The following CPNE8 variants were observed in gnomAD, a reference collection of about 807,000 sequenced individuals.
CPNE8 encodes the protein copine-8.
Under a neutral mutation model 81.5 loss-of-function variants are expected in CPNE8, and 45 were observed. The observed-to-expected ratio is 0.55, with a 90% confidence interval of 0.44 to 0.71. The LOEUF is 0.71. Among genes scored for constraint, CPNE8 ranks in the 30% least tolerant of loss-of-function variants. The pLI, the probability that CPNE8 is intolerant of heterozygous loss-of-function variation, is 0.00. For missense variants in CPNE8, 594 were observed against 672.1 expected (o/e 0.88, Z 1.28); for synonymous variants, 252 against 226.3 (o/e 1.11, Z -1.02).
intron 13 of CPNE8, among the ~76,000 whole-genome samples, chr12:38,713,370 T>C (rs951052356): frequency 6.6e-6 from 1 of 152,164 alleles, no homozygotes; most frequent in Admixed American, 6.5e-5. Context: ...TTCCTCCAAG[T>C]AACTACAACG....
chr12:38,732,158 C>T (rs2136768392), intron 10 of CPNE8, among the ~76,000 whole-genome samples: 1 of 152,002 alleles, frequency 6.6e-6, no homozygotes, highest in Middle Eastern at 3.4e-3. Flanking sequence ...CATTTTCTGA[C>T]TGTGCTAAAC....
intron 13 of CPNE8, among the ~76,000 whole-genome samples, chr12:38,716,090 C>A (rs1940382727): frequency 6.6e-6 from 1 of 151,838 alleles, no homozygotes; most frequent in African/African-American, 2.4e-5. Flanking sequence ...TATGCTTCAG[C>A]AAGGAAGAAA....
chr12:38,889,631 T>C (rs1944282741), intron 1 of CPNE8, among the ~76,000 whole-genome samples: 1 of 152,172 alleles, frequency 6.6e-6, no homozygotes, highest in South Asian at 2.1e-4. Context: ...ATGATGTCAT[T>C]TGCCCTTTTT....
At chr12:38,886,563 C>T (rs540510729) in intron 1 of CPNE8, among the ~76,000 whole-genome samples, 15 of 152,178 alleles carry the variant, frequency 9.9e-5, no homozygotes, top group African/African-American at 3.1e-4. Context: ...GTATTATGTG[C>T]CAGGCACTAC....
At chr12:38,814,254 T>A (rs2136993187) in intron 6 of CPNE8, among the ~76,000 whole-genome samples, 1 of 146,646 alleles carries the variant, frequency 6.8e-6, no homozygotes, top group East Asian at 2.1e-4. Context: ...AGAAAATATA[T>A]CTCAACTGTA....
At chr12:38,692,134 A>C (rs1939690363) in intron 15 of CPNE8, among the ~76,000 whole-genome samples, 1 of 152,054 alleles carries the variant, frequency 6.6e-6, no homozygotes, top group Non-Finnish European at 1.5e-5. Context: ...TCTACTAAAA[A>C]TACAAAAATT....
chr12:38,791,879 A>C (rs984737781), intron 6 of CPNE8, among the ~76,000 whole-genome samples: 4 of 151,630 alleles, frequency 2.6e-5, no homozygotes, highest in African/African-American at 9.7e-5. Flanking sequence ...AAATCATGCA[A>C]AGCATATTTT....
chr12:38,844,767 A>AACCTGTTC, intron 4 of CPNE8, among the ~76,000 whole-genome samples: 1 of 152,172 alleles, frequency 6.6e-6, no homozygotes, highest in South Asian at 2.1e-4. Context: ...TATAAAAGCC[A>AACCTGTTC]TTTCTAAAAC....
intron 3 of CPNE8, among the ~76,000 whole-genome samples, chr12:38,868,113 A>G (rs953612344): frequency 5.3e-5 from 8 of 152,116 alleles, no homozygotes; most frequent in Admixed American, 3.3e-4. Context: ...TCCAAAATAT[A>G]CCTGAATTTA....
At chr12:38,828,608 G>C (rs145146381) in intron 6 of CPNE8, among the ~76,000 whole-genome samples, 69 of 152,204 alleles carry the variant, frequency 4.5e-4, no homozygotes, top group African/African-American at 1.2e-3. Flanking sequence ...TATTTTTTGA[G>C]TTTGAGATTC....
At chr12:38,684,840 A>G (rs1295221772) in intron 16 of CPNE8, among the ~76,000 whole-genome samples, 1 of 152,206 alleles carries the variant, frequency 6.6e-6, no homozygotes. Context: ...CAAACTTTCT[A>G]GGGATTTAAA....
rs1227724370 is a variant in CPNE8, at chr12:38,902,344, GAA to G, written c.98+3091_98+3092del. Among the ~76,000 whole-genome samples the G allele has an allele frequency of 4.3e-5, 3 of 69,670 alleles. 1 individual carries two copies. Among genetic ancestry groups the G allele is most frequent in the African/African-American group, 1.9e-4 (2 of 10,396 alleles). The allele number at this position is 69,670 out of a possible 152,430, so 45.7% of individuals were successfully genotyped here. A position where few individuals can be genotyped will look rare whatever the true frequency, so the allele number is the denominator to read the frequency against. ...AGAAAGAAAGAAAGAAAGAAAGAAA[GAA>G]AGAAAGAAAGAAAGAAAGAAAGAAA... is the stretch of plus-strand genomic sequence containing the variant. On this transcript the variant is annotated intron_variant, in intron 1 of 19. Coordinates refer to ENST00000331366, the MANE Select transcript of CPNE8 (RefSeq NM_153634.3).
intron 19 of CPNE8, among the ~76,000 whole-genome samples, chr12:38,661,501 A>G (rs889929638): frequency 6.6e-6 from 1 of 152,148 alleles, no homozygotes; most frequent in African/African-American, 2.4e-5. Context: ...AGAAATACCT[A>G]ATGTAAATGA....
intron 6 of CPNE8, among the ~76,000 whole-genome samples, chr12:38,821,136 T>C (rs1310963425): frequency 6.6e-6 from 1 of 152,200 alleles, no homozygotes; most frequent in Non-Finnish European, 1.5e-5. Context: ...TTTAAAATAC[T>C]AAAAATGACC....
intron 18 of CPNE8, among the ~76,000 whole-genome samples, chr12:38,671,680 C>T (rs1180232978): frequency 6.6e-6 from 1 of 152,112 alleles, no homozygotes; most frequent in East Asian, 1.9e-4. Context: ...ATTTTGGCCT[C>T]ATCACCCATC....
chr12:38,867,910 A>C (rs901768165), intron 3 of CPNE8, among the ~76,000 whole-genome samples: 5 of 152,310 alleles, frequency 3.3e-5, no homozygotes, highest in Non-Finnish European at 5.9e-5. Context: ...ATATAGTGGT[A>C]ATTATAATCA....
chr12:38,841,311 G>A (rs1218363677), intron 4 of CPNE8, among the ~76,000 whole-genome samples: 1 of 152,132 alleles, frequency 6.6e-6, no homozygotes, highest in African/African-American at 2.4e-5. Context: ...ACTCTATAGA[G>A]ATCGAATTTC....
At chr12:38,677,652 A>T in intron 16 of CPNE8, 98 bp from the exon 17 acceptor site, 1 of 710,486 alleles carries the variant, frequency 1.4e-6, no homozygotes. Flanking sequence ...TTTAATCTCA[A>T]TAAAATATTT....
intron 14 of CPNE8, among the ~76,000 whole-genome samples, chr12:38,700,421 TAG>T (rs1290050024): frequency 6.6e-6 from 1 of 151,964 alleles, no homozygotes; most frequent in Non-Finnish European, 1.5e-5. Context: ...TGTATTTTAG[TAG>T]AGACGGGGTT....
Sources: gnomAD v4.1 joint callset for allele counts (sites outside exome capture counted in the v4.1 genomes callset) on GRCh38, gnomAD v4.1.1 for gene constraint, MANE v1.5 for transcripts, NCBI Gene and HGNC (gene_info 2026-07-23, HGNC 2026-07-21) for gene names.